The following CA10 variants were observed in gnomAD, a reference collection of about 807,000 sequenced individuals.
CA10 encodes carbonic anhydrase-related protein 10.
A neutral mutation model predicts 44.2 loss-of-function variants in CA10; 14 were observed. That is an observed-to-expected ratio of 0.32 (90% confidence interval 0.21 to 0.50). CA10 has a LOEUF of 0.50. CA10 is among the 20% of genes least tolerant of loss of function. The probability of loss-of-function intolerance (pLI) is 0.99; values close to 1 mark genes in which losing one functional copy is unlikely to be tolerated. For missense variants in CA10, 350 were observed against 409.7 expected (o/e 0.85, Z 1.26); for synonymous variants, 159 against 141.6 (o/e 1.12, Z -0.87).
intron 2 of CA10, among the ~76,000 whole-genome samples, chr17:52,051,914 G>A (rs1053470795): frequency 1.3e-5 from 2 of 152,074 alleles, no homozygotes; most frequent in Admixed American, 6.6e-5. Flanking sequence ...TGAAGAAAAT[G>A]TGGTACATAT....
At chr17:52,116,267 T>A (rs753574681) in intron 1 of CA10, among the ~76,000 whole-genome samples, 6 of 152,182 alleles carry the variant, frequency 3.9e-5, no homozygotes, top group Non-Finnish European at 7.3e-5. Context: ...AAGGTGTTTT[T>A]ACTAGGCCAG....
rs896772604 is a variant in CA10 at position 51,933,710 on chromosome 17, A to G, written c.137-2578T>C. 2.0e-5 allele frequency among the ~76,000 whole-genome samples: 3 copies of G among 152,110 alleles called. No individual in the cohort carries two copies. In the East Asian group the frequency reaches 5.8e-4, roughly 29 times the overall value. On this transcript the variant is annotated intron_variant, in intron 2 of 8. Transcript: ENST00000451037. ...CAATGAAGACATCTATGATGCTTGCAGGGCTCTCCCTAGAAGGCAGCTGCA... is the reference window on the plus strand; with the variant it reads ...CAATGAAGACATCTATGATGCTTGCGGGGCTCTCCCTAGAAGGCAGCTGCA...
chr17:51,882,770 G>C (rs540991821), intron 3 of CA10, among the ~76,000 whole-genome samples: 1 of 152,152 alleles, frequency 6.6e-6, no homozygotes, highest in Non-Finnish European at 1.5e-5. Context: ...GAATTTGTCA[G>C]CTTACAGACC....
rs532195338 is a variant in CA10 at position 51,633,521 on chromosome 17, C to G, written c.919G>C (p.Gly307Arg). 6.2e-7 allele frequency: 1 copy of G among 1,613,966 alleles called. No individual in the cohort carries two copies. The highest frequency in any genetic ancestry group is 1.7e-5 in the Admixed American group (1 of 60,012). ...IRTNINFSLQ[G>R]KDCPNNRAQK... ...GCTCGGTTGTTTGGACAGTCCTTCC[C>G]CTGTAAACTGAAGTTGATATTGGTG... Residue 307 changes from glycine (G) to arginine (R), a missense_variant, in exon 8 of 9, where the codon GGG (glycine) becomes CGG (arginine). Transcript: ENST00000451037.
At position 52,127,770 on chromosome 17, in the gene CA10, G is replaced by A. The variant is rs76225899; in HGVS notation, c.61+29956C>T. 2.3e-3 allele frequency among the ~76,000 whole-genome samples: 354 copies of A among 152,060 alleles called. 1 individual carries two copies. Among genetic ancestry groups the A allele is most frequent in the African/African-American group, 8.0e-3 (332 of 41,486 alleles). ...ATGCTTCTTTGTCCTTTCTTATTTC[G>A]GTTTTTAGCTGAAATAAGATGTGAC... On this transcript the variant is annotated intron_variant, in intron 1 of 8. Transcript: ENST00000451037.
Position 51,750,369 on chromosome 17 carries a change from CTTT to C in CA10, c.280-2554_280-2552del, listed in dbSNP as rs548783983. 2.5e-3 allele frequency among the ~76,000 whole-genome samples: 383 copies of C among 152,104 alleles called. 3 individuals carry two copies. The Middle Eastern group carries it at 0.031, about 12-fold the overall frequency. ...TTGCATATATGTATATTATATATGA[CTTT>C]TTATGTTATTCTAACATATAGATAT... On this transcript the variant is annotated intron_variant, in intron 3 of 8. Coordinates refer to ENST00000451037, the MANE Select transcript of CA10 (RefSeq NM_020178.5).
intron 2 of CA10, among the ~76,000 whole-genome samples, chr17:51,988,327 G>A (rs1252559852): frequency 6.6e-6 from 1 of 151,910 alleles, no homozygotes; most frequent in Non-Finnish European, 1.5e-5. Flanking sequence ...GAGAAATAAG[G>A]TAAGAAAATG....
At chr17:52,077,402 T>C (rs1192045392) in intron 1 of CA10, among the ~76,000 whole-genome samples, 2 of 152,130 alleles carry the variant, frequency 1.3e-5, no homozygotes, top group Non-Finnish European at 2.9e-5. Context: ...AATACATGTT[T>C]TAGGCTTTGA....
At chr17:52,067,372 G>A (rs1987565476) in intron 2 of CA10, among the ~76,000 whole-genome samples, 1 of 152,258 alleles carries the variant, frequency 6.6e-6, no homozygotes, top group South Asian at 2.1e-4. Flanking sequence ...CAGAAGCCAA[G>A]AACTGAAGTT....
At chr17:51,883,306 T>G (rs552124259) in intron 3 of CA10, among the ~76,000 whole-genome samples, 9 of 152,328 alleles carry the variant, frequency 5.9e-5, no homozygotes, top group Non-Finnish European at 1.2e-4. Flanking sequence ...TACTCAATGT[T>G]CTGTTATTCT....
chr17:51,731,077 A>G (rs1034200595), intron 4 of CA10, among the ~76,000 whole-genome samples: 2 of 152,198 alleles, frequency 1.3e-5, no homozygotes, highest in Non-Finnish European at 2.9e-5. Flanking sequence ...AACAGGCTCC[A>G]TATCAAGAAA....
chr17:51,970,000 G>A (rs1043829135), intron 2 of CA10, among the ~76,000 whole-genome samples: 1 of 152,046 alleles, frequency 6.6e-6, no homozygotes, highest in African/African-American at 2.4e-5. Context: ...TGAGCTGTTT[G>A]TAGAGTAATA....
intron 2 of CA10, among the ~76,000 whole-genome samples, chr17:52,010,184 C>G (rs1985739499): frequency 6.6e-6 from 1 of 151,988 alleles, no homozygotes; most frequent in African/African-American, 2.4e-5. Context: ...CTATGGAAAA[C>G]AGTGTGGCGA....
intron 2 of CA10, among the ~76,000 whole-genome samples, chr17:51,979,215 C>G (rs899462459): frequency 1.2e-4 from 18 of 152,016 alleles, no homozygotes; most frequent in Admixed American, 1.3e-4. Flanking sequence ...TATGACACAG[C>G]CTTAATGAGA....
intron 2 of CA10, among the ~76,000 whole-genome samples, chr17:51,999,497 G>A (rs1204563186): frequency 6.6e-6 from 1 of 152,032 alleles, no homozygotes; most frequent in East Asian, 1.9e-4. Context: ...TTGGTGTTGA[G>A]TATGAGGCAC....
At chr17:52,005,412 G>A (rs923916159) in intron 2 of CA10, among the ~76,000 whole-genome samples, 4 of 151,878 alleles carry the variant, frequency 2.6e-5, no homozygotes, top group Non-Finnish European at 5.9e-5. Flanking sequence ...GATGAAGAAG[G>A]TGGGCAGTCC....
intron 6 of CA10, among the ~76,000 whole-genome samples, chr17:51,638,139 A>G (rs1371377313): frequency 2.0e-5 from 3 of 152,212 alleles, no homozygotes; most frequent in Admixed American, 2.0e-4. Context: ...TGCCAAGGGA[A>G]CTTGAATTTC....
At chr17:51,776,388 A>T (rs1464467924) in intron 3 of CA10, among the ~76,000 whole-genome samples, 1 of 152,176 alleles carries the variant, frequency 6.6e-6, no homozygotes, top group Non-Finnish European at 1.5e-5. Flanking sequence ...ATAAATAAAT[A>T]TAAAAAATAA....
At chr17:51,793,291 G>GA (rs1219936393) in intron 3 of CA10, among the ~76,000 whole-genome samples, 2 of 152,076 alleles carry the variant, frequency 1.3e-5, no homozygotes, top group Admixed American at 6.5e-5. Flanking sequence ...GCCATTGGGG[G>GA]AAAAAATCAA....
Sources: allele counts gnomAD v4.1 joint callset (sites outside exome capture counted in the v4.1 genomes callset), GRCh38; gene constraint gnomAD v4.1.1; transcripts MANE v1.5; gene names NCBI Gene and HGNC (gene_info 2026-07-23, HGNC 2026-07-21).